Variants in DMD observed in about 807,000 individuals in gnomAD.
DMD encodes the protein mutant dystrophin.
In DMD, 63 loss-of-function variants were observed where a neutral mutation model predicts 330.1. The observed-to-expected ratio is 0.19, with a 90% CI of 0.16 to 0.24. The LOEUF (loss-of-function observed/expected upper bound fraction) is 0.24. DMD is among the 10% of genes least tolerant of loss of function. The pLI, the probability that DMD is intolerant of heterozygous loss-of-function variation, is 1.00. For synonymous variants in DMD, 1,223 were observed against 959.8 expected (o/e 1.27, Z -5.07); for missense variants, 3,344 against 2,684.1 (o/e 1.25, Z -5.43).
chrX:32,553,477 G>A (rs768684143), intron 16 of DMD, among the ~76,000 whole-genome samples: 57 of 110,610 alleles, frequency 5.2e-4, no homozygotes, highest in African/African-American at 1.5e-3. Flanking sequence ...TTATTACCTG[G>A]GTGATGAAAT....
At chrX:33,036,091 A>C (rs969244153) in intron 1 of DMD, among the ~76,000 whole-genome samples, 2 of 110,802 alleles carry the variant, frequency 1.8e-5, no homozygotes, top group African/African-American at 3.3e-5. Flanking sequence ...AATAGATTGT[A>C]ATTAGTATGA....
chrX:31,167,858 A>C (rs750480506), intron 74 of DMD, among the ~76,000 whole-genome samples: 3 of 112,029 alleles, frequency 2.7e-5, no homozygotes, highest in Admixed American at 9.5e-5. Flanking sequence ...GAGGATATGA[A>C]GATGATTAAG....
intron 1 of DMD, among the ~76,000 whole-genome samples, chrX:33,026,522 G>T (rs185466582): frequency 9.1e-6 from 1 of 109,414 alleles, no homozygotes; most frequent in African/African-American, 3.3e-5. Flanking sequence ...ACAAATTTAG[G>T]ACATATTTAG....
upstream of DMD, among the ~76,000 whole-genome samples, chrX:33,211,836 T>G (rs1423130391): frequency 5.3e-5 from 6 of 112,495 alleles, no homozygotes; most frequent in African/African-American, 1.9e-4. Context: ...TTCTGTAACT[T>G]TCATGTGAAT....
chrX:33,229,890 A>T (rs191234334), intron 1 of DMD, among the ~76,000 whole-genome samples: 4 of 112,197 alleles, frequency 3.6e-5, no homozygotes, highest in Non-Finnish European at 5.7e-5. Flanking sequence ...ATTCCAATCC[A>T]TTAGCAGAGT....
chrX:31,854,410 T>C (rs1023914426), intron 48 of DMD, among the ~76,000 whole-genome samples: 6 of 112,057 alleles, frequency 5.4e-5, no homozygotes, highest in African/African-American at 1.9e-4. Context: ...TTAGTACATG[T>C]AAAGGTAATA....
chrX:33,308,338 A>T (rs2053794985), intron 1 of DMD, among the ~76,000 whole-genome samples: 1 of 112,425 alleles, frequency 8.9e-6, no homozygotes, highest in Admixed American at 9.5e-5. Context: ...CAAGAATCAC[A>T]GTGGTATTTG....
chrX:32,525,538 A>G (rs2046859193), intron 17 of DMD, among the ~76,000 whole-genome samples: 1 of 111,434 alleles, frequency 9.0e-6, no homozygotes, highest in African/African-American at 3.3e-5. Context: ...TCCTACTCAG[A>G]CCCTGGCTTC....
chrX:31,741,609 T>G (rs1255230996), intron 51 of DMD, among the ~76,000 whole-genome samples: 3 of 110,836 alleles, frequency 2.7e-5, no homozygotes, highest in East Asian at 5.7e-4. Context: ...AAAATGTTCA[T>G]CAAACCATGC....
At chrX:31,410,992 C>A (rs1445753225) in intron 60 of DMD, among the ~76,000 whole-genome samples, 1 of 103,765 alleles carries the variant, frequency 9.6e-6, no homozygotes. Context: ...TCTCGAACTC[C>A]TGACCTCAAG....
chrX:32,748,275 C>G (rs182769108), intron 7 of DMD, among the ~76,000 whole-genome samples: 1,839 of 105,212 alleles, frequency 0.017, 44 homozygotes, highest in African/African-American at 0.061. Context: ...ACCCGGGAGG[C>G]AGCGGTAGCA....
intron 60 of DMD, among the ~76,000 whole-genome samples, chrX:31,408,786 A>G (rs1395534276): frequency 8.9e-6 from 1 of 111,965 alleles, no homozygotes; most frequent in African/African-American, 3.2e-5. Flanking sequence ...TTTTACAAAA[A>G]ATTTTATTAT....
rs927618866 is a variant in DMD, at chrX:32,352,068, G to A, written c.5326-3540C>T. On this transcript the variant is annotated intron_variant, in intron 37 of 78. Transcript: ENST00000357033. Reference sequence around the variant, plus strand: ...GTTTCAAAGTGATTAACTAAAATCAGTGGGCAAAAATTATTTGGAGCCTAA... The same window carrying A: ...GTTTCAAAGTGATTAACTAAAATCAATGGGCAAAAATTATTTGGAGCCTAA... Among the ~76,000 whole-genome samples, 3 of 110,936 alleles carry A rather than the reference G, an allele frequency of 2.7e-5. No homozygotes were observed. The Admixed American group carries it at 2.9e-4, about 11-fold the overall frequency.
At chrX:32,687,106 C>A (rs1238909493) in intron 9 of DMD, among the ~76,000 whole-genome samples, 1 of 112,023 alleles carries the variant, frequency 8.9e-6, no homozygotes, top group Non-Finnish European at 1.9e-5. Context: ...AATTAAGTGG[C>A]CATTTCGGCT....
rs1281054860 is a variant in DMD at position 32,484,749 on chromosome X, C to T, written c.2803+170G>A. Among the ~76,000 whole-genome samples the T allele has an allele frequency of 2.7e-5, 3 of 112,243 alleles. No individual in the cohort carries two copies. The Admixed American group carries it at 2.8e-4, about 11-fold the overall frequency. ...AAAATTATTATGAGGACAAAAAAAT[C>T]TACAGACAGCTTATCTGTTACACCA... On this transcript the variant is annotated intron_variant, in intron 21 of 78. Transcript: ENST00000357033.
intron 44 of DMD, among the ~76,000 whole-genome samples, chrX:32,054,463 A>G (rs975050159): frequency 9.4e-6 from 1 of 106,744 alleles, no homozygotes; most frequent in African/African-American, 3.4e-5. Flanking sequence ...TTGTCCTTGC[A>G]ATAGTTTGCT....
At chrX:31,477,916 G>T (rs1455636673) in intron 59 of DMD, among the ~76,000 whole-genome samples, 190 bp downstream of exon 59, 1 of 111,261 alleles carries the variant, frequency 9.0e-6, no homozygotes, top group Non-Finnish European at 1.9e-5. Context: ...TCATATAACT[G>T]AAGACAGACA....
rs748739554 is a variant in DMD at position 31,471,189 on chromosome X, G to A, written c.8937+6917C>T. ...CTATCTCGCTGGTGTTCCAGGTGAC[G>A]CTGGGATATGAAAAAAACGCCTGCA... On this transcript the variant is annotated intron_variant, in intron 59 of 78. Transcript: ENST00000357033. Among the ~76,000 whole-genome samples, 7 of 111,039 alleles carry A rather than the reference G, an allele frequency of 6.3e-5. No individual in the cohort carries two copies. In the South Asian group the frequency reaches 2.4e-3, roughly 37 times the overall value.
At chrX:32,547,376 A>T (rs2049078903) in intron 16 of DMD, among the ~76,000 whole-genome samples, 2 of 111,284 alleles carry the variant, frequency 1.8e-5, no homozygotes, top group Non-Finnish European at 3.8e-5. Flanking sequence ...GGCATTTAAA[A>T]ATATACTCAA....
Sources: gnomAD v4.1 joint callset for allele counts (sites outside exome capture counted in the v4.1 genomes callset) on GRCh38, gnomAD v4.1.1 for gene constraint, MANE v1.5 for transcripts, NCBI Gene and HGNC (gene_info 2026-07-23, HGNC 2026-07-21) for gene names.